The following EMCN variants were observed in gnomAD, a reference collection of about 807,000 sequenced individuals.
EMCN encodes MUC-14.
In EMCN, 37 loss-of-function variants were observed where a neutral mutation model predicts 38.4. That is an observed-to-expected ratio of 0.96 (90% CI 0.74 to 1.27). The LOEUF is 1.27. Ranked by LOEUF, EMCN falls within the 50% of genes most tolerant of loss-of-function variation. EMCN has a pLI of 0.00. For synonymous variants in EMCN, 95 were observed against 100.8 expected (o/e 0.94, Z 0.35); for missense variants, 318 against 302.8 (o/e 1.05, Z -0.37).
At chr4:100,430,717 C>T (rs1465109039) in intron 5 of EMCN, among the ~76,000 whole-genome samples, 1 of 152,068 alleles carries the variant, frequency 6.6e-6, no homozygotes, top group Non-Finnish European at 1.5e-5. Context: ...TCGGTAGATC[C>T]CTGAACTAGA....
At chr4:100,403,419 C>T (rs1246507624) in intron 11 of EMCN, among the ~76,000 whole-genome samples, 1 of 149,010 alleles carries the variant, frequency 6.7e-6, no homozygotes, top group Non-Finnish European at 1.5e-5. Flanking sequence ...GTATGCGTAC[C>T]ACATTTTCTT....
rs1726104649 is a variant in EMCN at position 100,395,763 on chromosome 4, A to G, written c.*2650T>C. ...CACACAGATTTGTCAACCATATGTA[A>G]CAGAATAGTTCAGTTCAGCAAGGGG... On this transcript the variant is annotated 3_prime_UTR_variant, in exon 12 of 12. Transcript: ENST00000296420. 6.6e-6 allele frequency: 1 copy of G among 152,178 alleles called. No homozygotes were observed. The highest frequency in any genetic ancestry group is 6.5e-5 in the Admixed American group (1 of 15,270). 9.4% of individuals were successfully genotyped at this position (152,178 alleles called of 1,614,324 possible). A position where few individuals can be genotyped will look rare whatever the true frequency, so the allele number is the denominator to read the frequency against.
chr4:100,510,825 C>A (rs1729607904), intron 1 of EMCN, among the ~76,000 whole-genome samples: 1 of 152,132 alleles, frequency 6.6e-6, no homozygotes, highest in African/African-American at 2.4e-5. Context: ...TCACTGATAG[C>A]TATTTCCTCT....
In EMCN at chr4:100,410,334, T is replaced by C; in HGVS notation, c.773A>G (p.Lys258Arg). Residue 258 changes from lysine to arginine, a missense_variant, in exon 11 of 12, where the codon AAA becomes AGA. By Grantham distance (26) the Lys-to-Arg change is conservative. Transcript: ENST00000296420. ...HESGEHSAQGKTKN is the reference protein window; with the variant it reads ...HESGEHSAQGRTKN ...TTCCTCAAGCTGTCAGTTCTTGGTTTTTCCTTGTGCAGAGTGCTCACCTGA... is the reference window on the plus strand; with the variant it reads ...TTCCTCAAGCTGTCAGTTCTTGGTTCTTCCTTGTGCAGAGTGCTCACCTGA... The C allele has an allele frequency of 1.2e-6, 2 of 1,613,898 alleles. No homozygotes were observed. The highest frequency in any genetic ancestry group is 1.7e-6 in the Non-Finnish European group (2 of 1,179,820).
At chr4:100,406,943 T>G (rs917051282) in intron 11 of EMCN, among the ~76,000 whole-genome samples, 2 of 152,182 alleles carry the variant, frequency 1.3e-5, no homozygotes, top group Non-Finnish European at 2.9e-5. Flanking sequence ...GATAGTTAAG[T>G]CTTCTTGTTG....
At chr4:100,513,084 A>G (rs1459181002) in intron 1 of EMCN, among the ~76,000 whole-genome samples, 2 of 152,186 alleles carry the variant, frequency 1.3e-5, no homozygotes, top group Non-Finnish European at 2.9e-5. Context: ...CTGGATAACT[A>G]CAATTTTCAA....
chr4:100,494,124 T>G (rs1461863204), intron 1 of EMCN, among the ~76,000 whole-genome samples: 1 of 152,208 alleles, frequency 6.6e-6, no homozygotes, highest in Non-Finnish European at 1.5e-5. Flanking sequence ...CATCATGTAT[T>G]TATCCAAGAA....
chr4:100,455,403 A>G (rs1727981820), intron 4 of EMCN, among the ~76,000 whole-genome samples: 1 of 151,862 alleles, frequency 6.6e-6, no homozygotes, highest in Non-Finnish European at 1.5e-5. Flanking sequence ...TTAGATTGAA[A>G]TTTCCATCTG....
At chr4:100,473,438 T>C (rs1177357000) in intron 3 of EMCN, among the ~76,000 whole-genome samples, 3 of 146,102 alleles carry the variant, frequency 2.1e-5, no homozygotes, top group African/African-American at 5.0e-5. Flanking sequence ...TTTTAGACTA[T>C]GGAAATGATG....
chr4:100,513,034 C>A (rs1729668602), intron 1 of EMCN, among the ~76,000 whole-genome samples: 1 of 152,174 alleles, frequency 6.6e-6, no homozygotes. Flanking sequence ...AAATTCAAAG[C>A]TTTGTGAAAC....
At chr4:100,494,568 C>A (rs1379351310) in intron 1 of EMCN, among the ~76,000 whole-genome samples, 1 of 151,110 alleles carries the variant, frequency 6.6e-6, no homozygotes, top group Non-Finnish European at 1.5e-5. Context: ...TAACATTGGC[C>A]AACTTTAACT....
intron 5 of EMCN, among the ~76,000 whole-genome samples, chr4:100,436,834 C>T (rs1292745717): frequency 1.3e-5 from 2 of 151,942 alleles, no homozygotes; most frequent in Admixed American, 6.6e-5. Flanking sequence ...ACACATGGGG[C>T]GGGGGACAAC....
At chr4:100,462,807 T>C (rs748581443) in intron 4 of EMCN, among the ~76,000 whole-genome samples, 4 of 152,138 alleles carry the variant, frequency 2.6e-5, no homozygotes, top group East Asian at 3.9e-4. Context: ...TTTACAATTA[T>C]GGTGTGAAAT....
At chr4:100,465,701 A>G (rs1280781042) in intron 3 of EMCN, among the ~76,000 whole-genome samples, 162 bp from the exon 4 acceptor site, 1 of 152,196 alleles carries the variant, frequency 6.6e-6, no homozygotes, top group African/African-American at 2.4e-5. Context: ...TGGTGATATA[A>G]TTAATTACTT....
At chr4:100,402,974 A>G (rs1726297226) in intron 11 of EMCN, among the ~76,000 whole-genome samples, 1 of 152,158 alleles carries the variant, frequency 6.6e-6, no homozygotes. Context: ...GTTTCCATAT[A>G]TCAGCTAGGG....
chr4:100,473,373 G>GTTTTTTTGTTT (rs1728540234), intron 3 of EMCN, among the ~76,000 whole-genome samples: 1 of 65,984 alleles, frequency 1.5e-5, no homozygotes, highest in Admixed American at 2.6e-4. Context: ...GTGTTTTTTT[G>GTTTTTTTGTTT]TTTTTTTTTT....
chr4:100,492,125 A>C (rs1348385159), intron 1 of EMCN, among the ~76,000 whole-genome samples: 1 of 152,194 alleles, frequency 6.6e-6, no homozygotes, highest in Non-Finnish European at 1.5e-5. Flanking sequence ...ACTATAAGAA[A>C]ATAGGAATAA....
intron 10 of EMCN, among the ~76,000 whole-genome samples, chr4:100,412,312 A>G (rs896528492): frequency 1.3e-5 from 2 of 152,168 alleles, no homozygotes; most frequent in Admixed American, 6.6e-5. Context: ...ACTTAACCTT[A>G]AGTTATTACT....
At chr4:100,401,280 A>C (rs1258622582) in intron 11 of EMCN, among the ~76,000 whole-genome samples, 2 of 152,182 alleles carry the variant, frequency 1.3e-5, no homozygotes, top group African/African-American at 4.8e-5. Flanking sequence ...AAAAATGAAC[A>C]ATACATTAAT....
Sources: gnomAD v4.1 joint callset for allele counts (sites outside exome capture counted in the v4.1 genomes callset) on GRCh38, gnomAD v4.1.1 for gene constraint, MANE v1.5 for transcripts, NCBI Gene and HGNC (gene_info 2026-07-23, HGNC 2026-07-21) for gene names.